Variants in LRCH1 observed in about 807,000 individuals in gnomAD.
LRCH1 encodes the protein leucine-rich repeat and calponin homology domain-containing protein 1.
A neutral mutation model predicts 94.9 loss-of-function variants in LRCH1; 23 were observed. The ratio of observed to expected loss-of-function variants is 0.24; its 90% CI spans 0.17 to 0.34. The LOEUF is 0.34. LRCH1 is among the 10% of genes least tolerant of loss of function. The pLI, the probability that LRCH1 is intolerant of heterozygous loss-of-function variation, is 1.00. For missense variants in LRCH1, 790 were observed against 945.9 expected, an observed-to-expected ratio of 0.84 and a Z score of 2.16; for synonymous variants, 364 against 354.9, an observed-to-expected ratio of 1.03 and a Z score of -0.29.
At chr13:46,693,086 C>T (rs566876879) in intron 8 of LRCH1, among the ~76,000 whole-genome samples, 11 of 151,958 alleles carry the variant, frequency 7.2e-5, no homozygotes, top group Admixed American at 6.5e-5. Context: ...GTTCTCCTGC[C>T]TCAGCCTCCC....
At chr13:46,686,952 A>ATTTCTTTT (rs771856002) in intron 5 of LRCH1, among the ~76,000 whole-genome samples, 20 of 85,442 alleles carry the variant, frequency 2.3e-4, no homozygotes, top group African/African-American at 8.9e-4. Flanking sequence ...GAGTATATTG[A>ATTTCTTTT]TTTTTTTTTT....
At chr13:46,562,580 C>T (rs796568625) in intron 1 of LRCH1, among the ~76,000 whole-genome samples, 2 of 152,348 alleles carry the variant, frequency 1.3e-5, no homozygotes, top group African/African-American at 2.4e-5. Flanking sequence ...TCTCTAAATA[C>T]AGTCACATTC....
intron 16 of LRCH1, among the ~76,000 whole-genome samples, chr13:46,718,966 A>G (rs1292602690): frequency 6.6e-6 from 1 of 152,292 alleles, no homozygotes; most frequent in African/African-American, 2.4e-5. Flanking sequence ...TTTTTAGAGC[A>G]AAGGGCTTTC....
chr13:46,582,179 A>G (rs2050375845), intron 1 of LRCH1, among the ~76,000 whole-genome samples: 1 of 151,102 alleles, frequency 6.6e-6, no homozygotes, highest in Admixed American at 6.6e-5. Context: ...AAGAAAGAAA[A>G]TGAAGGGTAT....
chr13:46,580,110 C>T (rs1226015830), intron 1 of LRCH1, among the ~76,000 whole-genome samples: 4 of 152,338 alleles, frequency 2.6e-5, no homozygotes, highest in South Asian at 2.1e-4. Flanking sequence ...TTGTTCCTCT[C>T]CCAGGTCCTC....
intron 1 of LRCH1, among the ~76,000 whole-genome samples, chr13:46,579,698 C>T (rs1234673176): frequency 6.6e-6 from 1 of 152,118 alleles, no homozygotes; most frequent in East Asian, 1.9e-4. Context: ...CTTGTTTGTC[C>T]GTTTCAGAGT....
intron 2 of LRCH1, among the ~76,000 whole-genome samples, chr13:46,654,699 T>G (rs914018203): frequency 2.6e-5 from 4 of 152,226 alleles, no homozygotes; most frequent in African/African-American, 9.6e-5. Flanking sequence ...GCTTTTGAGC[T>G]CACACTTAAG....
At chr13:46,580,218 G>A (rs1190227862) in intron 1 of LRCH1, among the ~76,000 whole-genome samples, 1 of 152,152 alleles carries the variant, frequency 6.6e-6, no homozygotes, top group Non-Finnish European at 1.5e-5. Flanking sequence ...TTCACTGAAG[G>A]AGTTCTAAAA....
chr13:46,745,201 C>A (rs868262168), downstream of LRCH1, among the ~76,000 whole-genome samples: 2 of 152,014 alleles, frequency 1.3e-5, no homozygotes, highest in Admixed American at 6.6e-5. Context: ...TAAATGCAGC[C>A]TTAGACAATA....
At chr13:46,651,585 C>T (rs1431730869) in intron 2 of LRCH1, among the ~76,000 whole-genome samples, 2 of 150,804 alleles carry the variant, frequency 1.3e-5, no homozygotes, top group Non-Finnish European at 2.9e-5. Context: ...CGCTTGAACC[C>T]GGGAGGCAGA....
At chr13:46,727,808 A>G (rs1200034541) in intron 17 of LRCH1, among the ~76,000 whole-genome samples, 1 of 152,230 alleles carries the variant, frequency 6.6e-6, no homozygotes, top group African/African-American at 2.4e-5. Flanking sequence ...ACAATTGCAT[A>G]TGAATCTAGA....
At chr13:46,601,337 G>C (rs1050831769) in intron 1 of LRCH1, among the ~76,000 whole-genome samples, 7 of 152,220 alleles carry the variant, frequency 4.6e-5, no homozygotes, top group African/African-American at 7.2e-5. Context: ...ATGACCTGAG[G>C]GGTAACTTGC....
At chr13:46,562,355 G>A (rs1041528481) in intron 1 of LRCH1, among the ~76,000 whole-genome samples, 1 of 152,206 alleles carries the variant, frequency 6.6e-6, no homozygotes, top group Admixed American at 6.5e-5. Context: ...CCAAGATCAA[G>A]GTGTCGGCAG....
At chr13:46,632,709 A>G (rs935068233) in intron 1 of LRCH1, among the ~76,000 whole-genome samples, 1 of 152,220 alleles carries the variant, frequency 6.6e-6, no homozygotes, top group African/African-American at 2.4e-5. Flanking sequence ...TAAAAAAAAT[A>G]TGAGCAACAA....
chr13:46,651,490 G>T (rs1011961441), intron 2 of LRCH1, among the ~76,000 whole-genome samples: 1 of 151,792 alleles, frequency 6.6e-6, no homozygotes, highest in African/African-American at 2.4e-5. Flanking sequence ...GTGGAACCCC[G>T]TCTCTACTAA....
chr13:46,638,837 T>C (rs2051124299), intron 1 of LRCH1, among the ~76,000 whole-genome samples: 2 of 152,242 alleles, frequency 1.3e-5, no homozygotes, highest in South Asian at 4.1e-4. Context: ...ACGTGCTGTT[T>C]ATACTACAAA....
At chr13:46,746,183 C>T (rs1873902967), downstream of LRCH1, among the ~76,000 whole-genome samples, 1 of 152,194 alleles carries the variant, frequency 6.6e-6, no homozygotes, top group Non-Finnish European at 1.5e-5. Context: ...CACAAAGTTA[C>T]TTGAACTCTC....
At chr13:46,647,493 A>C (rs756804248) in intron 1 of LRCH1, among the ~76,000 whole-genome samples, 1 of 152,124 alleles carries the variant, frequency 6.6e-6, no homozygotes, top group Non-Finnish European at 1.5e-5. Flanking sequence ...CAACTGTAGA[A>C]GCTCTTTCTG....
chr13:46,670,717 GATTA>G (rs2051588653), intron 3 of LRCH1, among the ~76,000 whole-genome samples: 2 of 150,848 alleles, frequency 1.3e-5, no homozygotes, highest in African/African-American at 4.9e-5. Context: ...GGCAGGGAAT[GATTA>G]ATTAATTCAG....
Sources: allele counts gnomAD v4.1 joint callset (sites outside exome capture counted in the v4.1 genomes callset), GRCh38; gene constraint gnomAD v4.1.1; transcripts MANE v1.5; gene names NCBI Gene and HGNC (gene_info 2026-07-23, HGNC 2026-07-21).